PCDHA5: variants seen among roughly 807,000 people sequenced by gnomAD.
PCDHA5 encodes protocadherin alpha 5, also known as protocadherin alpha-5.
PCDHA5 carries 43 observed loss-of-function variants against 61.6 expected under a neutral mutation model. The observed-to-expected ratio is 0.70, with a 90% CI of 0.55 to 0.90. PCDHA5 has a LOEUF of 0.90. Ranked by LOEUF, PCDHA5 falls within the 40% of genes least tolerant of loss-of-function variation. The probability of loss-of-function intolerance (pLI) is 0.00; values close to 1 mark genes in which losing one functional copy is unlikely to be tolerated. For missense variants in PCDHA5, 1,298 were observed against 1,222.7 expected (o/e 1.06, Z -0.92); for synonymous variants, 627 against 543.9 (o/e 1.15, Z -2.13).
chr5:140,965,424 G>A (rs2095899424), intron 1 of PCDHA5, among the ~76,000 whole-genome samples: 1 of 152,086 alleles, frequency 6.6e-6, no homozygotes, highest in African/African-American at 2.4e-5. Flanking sequence ...AGGAAGATAA[G>A]CTGCAGTCAT....
In PCDHA5 at chr5:140,821,648, A is replaced by AT; in HGVS notation, c.-123dup. On this transcript the variant is annotated 5_prime_UTR_variant, in exon 1 of 4. Coordinates refer to ENST00000529859, the MANE Select transcript of PCDHA5 (RefSeq NM_018908.3). Reference sequence around the variant, plus strand: ...TAGACAGAAAGGAAAAGAACCTTCCATTTTTGGCTGTGCCAAGAAGCTCAG... The same window carrying AT: ...TAGACAGAAAGGAAAAGAACCTTCCATTTTTTGGCTGTGCCAAGAAGCTCAG... The AT allele has an allele frequency of 9.2e-7, 1 of 1,086,806 alleles. No homozygotes were observed. The highest frequency in any genetic ancestry group is 2.6e-5 in the East Asian group (1 of 38,958). The allele number at this position is 1,086,806 out of a possible 1,614,324, so 67.3% of individuals were successfully genotyped here.
At position 140,824,610 on chromosome 5, in the gene PCDHA5, G is replaced by GTTTTTTTTTTTTTTTTTTTTTT. The variant is rs782443702; in HGVS notation, c.2352+484_2352+505dup. ...GGACTACATGCACATGCTAATTAAA[G>GTTTTTTTTTTTTTTTTTTTTTT]TTTTTTTTTTTTTTTTTTTTTTATT... On this transcript the variant is annotated intron_variant, in intron 1 of 3. Coordinates refer to ENST00000529859, the MANE Select transcript of PCDHA5 (RefSeq NM_018908.3). 6 of 95,112 alleles carry GTTTTTTTTTTTTTTTTTTTTTT rather than the reference G, an allele frequency of 6.3e-5. 1 individual carries two copies. Among genetic ancestry groups the GTTTTTTTTTTTTTTTTTTTTTT allele is most frequent in the African/African-American group, 2.4e-4 (5 of 20,574 alleles). 5.9% of individuals were successfully genotyped at this position (95,112 alleles called of 1,614,324 possible).
intron 1 of PCDHA5, among the ~76,000 whole-genome samples, chr5:140,909,874 T>G (rs778631778): frequency 2.6e-4 from 39 of 152,184 alleles, no homozygotes; most frequent in Admixed American, 5.2e-4. Context: ...CAACGTCAGC[T>G]TAGAGACACT....
rs140138948 is a variant in PCDHA5 at position 140,849,650 on chromosome 5, T to G, written c.2352+25523T>G. The G allele has an allele frequency of 0.022, 35,883 of 1,598,700 alleles. 3,605 individuals carry two copies. The highest frequency in any genetic ancestry group is 0.044 in the Middle Eastern group (261 of 5,946). On this transcript the variant is annotated intron_variant, in intron 1 of 3. Coordinates refer to ENST00000529859, the MANE Select transcript of PCDHA5 (RefSeq NM_018908.3). The stretch of plus-strand genomic sequence containing the variant: ...TAGACGCAGATGCCAACGGGCAGGT[T>G]ACCTGCTCCCTGACGCCCCACGTCC...
rs1228559116 is a variant in PCDHA5, at chr5:140,927,616, G to A, written c.2353-51333G>A. On this transcript the variant is annotated intron_variant, in intron 1 of 3. Coordinates refer to ENST00000529859, the MANE Select transcript of PCDHA5 (RefSeq NM_018908.3). ...TGAGCGCTCCGTATACCGCACCAAG[G>A]TTCCAGAGACTGCACCCAATGGGAC... 1.1e-5 allele frequency: 18 copies of A among 1,614,046 alleles called. No individual in the cohort carries two copies. Among genetic ancestry groups the A allele is most frequent in the Non-Finnish European group, 1.5e-5 (18 of 1,180,038 alleles).
Position 140,927,111 on chromosome 5 carries a change from C to T in PCDHA5, c.2353-51838C>T. Reference sequence around the variant, plus strand: ...ACTTCGGGGTGGATCTACCCAGCGGCAATTTGGTGGTCAGAGAGCCGGCGG... The same window carrying T: ...ACTTCGGGGTGGATCTACCCAGCGGTAATTTGGTGGTCAGAGAGCCGGCGG... On this transcript the variant is annotated intron_variant, in intron 1 of 3. Transcript: ENST00000529859. The T allele has an allele frequency of 3.7e-6, 6 of 1,613,856 alleles. No individual in the cohort carries two copies. In the Middle Eastern group the frequency reaches 8.3e-4, roughly 222 times the overall value.
intron 1 of PCDHA5, among the ~76,000 whole-genome samples, chr5:140,837,886 C>T (rs1466183059): frequency 6.6e-6 from 1 of 151,430 alleles, no homozygotes; most frequent in East Asian, 1.9e-4. Context: ...GTCTTGTTTC[C>T]CAGGCTGGTC....
intron 3 of PCDHA5, among the ~76,000 whole-genome samples, chr5:141,002,460 C>T (rs1554258683): frequency 2.0e-5 from 3 of 152,174 alleles, no homozygotes; most frequent in African/African-American, 7.2e-5. Context: ...ATTTGTATAA[C>T]GCTTTAGCAT....
intron 1 of PCDHA5, among the ~76,000 whole-genome samples, chr5:140,961,697 T>A (rs1326642906): frequency 6.6e-6 from 1 of 152,232 alleles, no homozygotes; most frequent in Non-Finnish European, 1.5e-5. Flanking sequence ...GTCCTTAGTA[T>A]GAATGCCTTC....
Position 140,858,084 on chromosome 5 carries a change from C to T in PCDHA5, c.2352+33957C>T, listed in dbSNP as rs781886260. 2 of 1,597,664 alleles carry T rather than the reference C, an allele frequency of 1.3e-6. No homozygotes were observed. Among genetic ancestry groups the T allele is most frequent in the Admixed American group, 1.7e-5 (1 of 59,290 alleles). ...GGCAGCCAGGCACCCAAGGCCTCGT[C>T]GCGGGCTTCAGTGGGCGTGGCGCCC... is the stretch of plus-strand genomic sequence containing the variant. On this transcript the variant is annotated intron_variant, in intron 1 of 3. Transcript: ENST00000529859.
At chr5:140,838,112 G>C (rs950197929) in intron 1 of PCDHA5, among the ~76,000 whole-genome samples, 3 of 149,312 alleles carry the variant, frequency 2.0e-5, no homozygotes, top group Non-Finnish European at 4.5e-5. Context: ...GTGTGTGTGT[G>C]TGTGTGTGTG....
chr5:140,836,909 C>T (rs1173581620), intron 1 of PCDHA5: 1 of 579,626 alleles, frequency 1.7e-6, no homozygotes, highest in Non-Finnish European at 2.9e-6. Context: ...TTAATATACA[C>T]TTTTGTTTTG....
intron 1 of PCDHA5, among the ~76,000 whole-genome samples, chr5:140,903,753 A>ACTTGATGACCCATAGTCAAATGTTCAG (rs2070561730): frequency 2.0e-5 from 3 of 152,186 alleles, no homozygotes; most frequent in Non-Finnish European, 4.4e-5. Flanking sequence ...GTTTCCCTTG[A>ACTTGATGACCCATAGTCAAATGTTCAG]TTTTTGCTGA....
chr5:140,857,290 C>A (rs781985413), intron 1 of PCDHA5: 2 of 1,598,706 alleles, frequency 1.3e-6, no homozygotes, highest in South Asian at 1.1e-5. Flanking sequence ...CTCTGGACCG[C>A]GAGAGGGTGT....
intron 1 of PCDHA5, chr5:140,841,780 G>T: frequency 6.2e-7 from 1 of 1,613,894 alleles, no homozygotes; most frequent in South Asian, 1.1e-5. Flanking sequence ...CTCGGTTTCC[G>T]CTAGAGGGCG....
At chr5:140,969,374 G>A (rs1554231740) in intron 1 of PCDHA5, 1 of 1,606,076 alleles carries the variant, frequency 6.2e-7, no homozygotes, top group South Asian at 1.1e-5. Flanking sequence ...TCATGCATTT[G>A]TTACACATCC....
intron 1 of PCDHA5, among the ~76,000 whole-genome samples, chr5:140,958,824 A>G (rs1008923744): frequency 5.9e-5 from 9 of 152,158 alleles, no homozygotes; most frequent in Admixed American, 5.9e-4. Context: ...TAATTTTTAT[A>G]TCTTAAAGTT....
intron 1 of PCDHA5, among the ~76,000 whole-genome samples, chr5:140,902,641 G>T (rs2069615645): frequency 6.6e-6 from 1 of 152,080 alleles, no homozygotes; most frequent in Non-Finnish European, 1.5e-5. Context: ...TGATTTCTGA[G>T]ATTTTGGTGC....
rs2150120818 is a variant in PCDHA5, at chr5:140,822,968, C to A, written c.1193C>A (p.Ser398Tyr). The A allele has an allele frequency of 6.2e-7, 1 of 1,614,232 alleles. No homozygotes were observed. Among genetic ancestry groups the A allele is most frequent in the Non-Finnish European group, 8.5e-7 (1 of 1,180,042 alleles). Residue 398 changes from serine to tyrosine, a missense_variant, in exon 1 of 4, where the codon TCC (serine) becomes TAC (tyrosine). Ser to Tyr is a moderately radical substitution (Grantham distance 144). Transcript: ENST00000529859. Reference sequence around the variant, plus strand: ...CCCCACGTTCCCTTCAAGCTGGTGTCCACCTTCAAGAATTACTACTCGTTG... The same window carrying A: ...CCCCACGTTCCCTTCAAGCTGGTGTACACCTTCAAGAATTACTACTCGTTG... ...LMPHVPFKLV[S>Y]TFKNYYSLVL... is the part of the protein sequence containing the mutation.
Sources: allele counts gnomAD v4.1 joint callset (sites outside exome capture counted in the v4.1 genomes callset), GRCh38; gene constraint gnomAD v4.1.1; transcripts MANE v1.5; gene names NCBI Gene and HGNC (gene_info 2026-07-23, HGNC 2026-07-21).